Variants in MAP3K7 observed in about 807,000 individuals in gnomAD.
MAP3K7 encodes the protein mitogen-activated protein kinase kinase kinase 7.
MAP3K7 carries 21 observed loss-of-function variants against 84.8 expected under a neutral mutation model. The ratio of observed to expected loss-of-function variants is 0.25; its 90% CI spans 0.18 to 0.36. The LOEUF is 0.36. Ranked by LOEUF, MAP3K7 falls within the 10% of genes least tolerant of loss-of-function variation. The pLI, the probability that MAP3K7 is intolerant of heterozygous loss-of-function variation, is 1.00. For missense variants in MAP3K7, 503 were observed against 747.7 expected, an observed-to-expected ratio of 0.67 and a Z score of 3.82; for synonymous variants, 241 against 247.7, an observed-to-expected ratio of 0.97 and a Z score of 0.25.
At chr6:90,560,286 C>T in intron 4 of MAP3K7, 72 bp from the exon 5 acceptor site, 2 of 1,487,886 alleles carry the variant, frequency 1.3e-6, no homozygotes, top group Non-Finnish European at 1.9e-6. Flanking sequence ...AATGCAAGCA[C>T]TATCAGAACA....
chr6:90,571,399 T>C (rs916139760), intron 2 of MAP3K7, among the ~76,000 whole-genome samples: 4 of 152,146 alleles, frequency 2.6e-5, no homozygotes, highest in African/African-American at 9.6e-5. Context: ...ACCATTTCTT[T>C]TCTATTTTAA....
At chr6:90,527,868 T>C (rs1221191093) in intron 13 of MAP3K7, among the ~76,000 whole-genome samples, 1 of 26,544 alleles carries the variant, frequency 3.8e-5, no homozygotes, top group African/African-American at 2.8e-4. Context: ...CATAAGGACT[T>C]TTTTTTTTTT....
intron 1 of MAP3K7, among the ~76,000 whole-genome samples, chr6:90,585,590 T>C (rs1777418501): frequency 1.3e-5 from 2 of 152,232 alleles, no homozygotes; most frequent in Admixed American, 1.3e-4. Flanking sequence ...TTCTAAAGTG[T>C]CTTTAAAAAA....
chr6:90,579,733 T>C (rs762259117), intron 1 of MAP3K7, among the ~76,000 whole-genome samples: 1 of 152,244 alleles, frequency 6.6e-6, no homozygotes, highest in Non-Finnish European at 1.5e-5. Flanking sequence ...AAAGTACTTA[T>C]TGCAACTTGA....
intron 13 of MAP3K7, among the ~76,000 whole-genome samples, chr6:90,533,906 G>C (rs1209958778): frequency 6.6e-6 from 1 of 152,130 alleles, no homozygotes; most frequent in African/African-American, 2.4e-5. Flanking sequence ...TCTATTGAGT[G>C]TTTAAAAAGC....
chr6:90,547,446 G>A (rs1262909874), intron 10 of MAP3K7, 59 bp from the exon 11 acceptor site: 2 of 1,578,302 alleles, frequency 1.3e-6, no homozygotes, highest in South Asian at 1.1e-5. Flanking sequence ...GCAATCTTAG[G>A]CAACCTAAAA....
intron 13 of MAP3K7, among the ~76,000 whole-genome samples, chr6:90,524,768 A>C (rs1191488557): frequency 6.6e-6 from 1 of 152,206 alleles, no homozygotes. Flanking sequence ...TGACAGAAAC[A>C]GTGAATTTAT....
intron 1 of MAP3K7, among the ~76,000 whole-genome samples, chr6:90,575,112 T>C (rs1352954041): frequency 6.6e-6 from 1 of 152,196 alleles, no homozygotes; most frequent in Non-Finnish European, 1.5e-5. Flanking sequence ...ATTAAGTTTG[T>C]GTGTATCAAA....
At chr6:90,550,165 G>C (rs1478293870) in intron 9 of MAP3K7, among the ~76,000 whole-genome samples, 2 of 152,084 alleles carry the variant, frequency 1.3e-5, no homozygotes, top group African/African-American at 4.8e-5. Context: ...ACTTGATCTA[G>C]TAGTATGCAT....
Position 90,514,668 on chromosome 6 carries a change from T to G in MAP3K7, c.*1833A>C, listed in dbSNP as rs1268877769. 6.6e-6 allele frequency: 1 copy of G among 152,008 alleles called. No homozygotes were observed. Among genetic ancestry groups the G allele is most frequent in the African/African-American group, 2.4e-5 (1 of 41,430 alleles). The allele number at this position is 152,008 out of a possible 1,614,324, so 9.4% of individuals were successfully genotyped here. A position where few individuals can be genotyped will look rare whatever the true frequency, so the allele number is the denominator to read the frequency against. ...TTAGCATTCACGCTTGGATATCTCG[T>G]GCTGAGATAAAAGGCCTCTTTAAAG... is the stretch of plus-strand genomic sequence containing the variant. On this transcript the variant is annotated 3_prime_UTR_variant, in exon 17 of 17. Transcript: ENST00000369329.
At chr6:90,543,364 A>G (rs1258658652) in intron 12 of MAP3K7, among the ~76,000 whole-genome samples, 1 of 152,084 alleles carries the variant, frequency 6.6e-6, no homozygotes, top group Admixed American at 6.6e-5. Flanking sequence ...GCACCTAAGA[A>G]TAGTATAATT....
intron 13 of MAP3K7, among the ~76,000 whole-genome samples, chr6:90,534,247 T>C (rs555430319): frequency 6.6e-6 from 1 of 152,326 alleles, no homozygotes; most frequent in Admixed American, 6.5e-5. Context: ...CTTTTCTTCC[T>C]CAAATGAATA....
chr6:90,535,898 G>A (rs558654736), intron 13 of MAP3K7, among the ~76,000 whole-genome samples: 202 of 152,258 alleles, frequency 1.3e-3, no homozygotes, highest in African/African-American at 4.6e-3. Flanking sequence ...GTTAAAAGAC[G>A]TTAGAGTTCT....
At chr6:90,578,626 T>C (rs763219920) in intron 1 of MAP3K7, among the ~76,000 whole-genome samples, 3 of 152,074 alleles carry the variant, frequency 2.0e-5, no homozygotes, top group Non-Finnish European at 4.4e-5. Flanking sequence ...CATATATCCA[T>C]AAGAGTAGAA....
chr6:90,556,460 G>C, intron 6 of MAP3K7, 40 bp downstream of exon 6: 1 of 1,599,550 alleles, frequency 6.3e-7, no homozygotes, highest in Non-Finnish European at 8.5e-7. Context: ...CACAAGGAGT[G>C]AGGGAGATTA....
At chr6:90,569,116 C>T (rs895075817) in intron 2 of MAP3K7, among the ~76,000 whole-genome samples, 6 of 152,234 alleles carry the variant, frequency 3.9e-5, no homozygotes, top group South Asian at 2.1e-4. Context: ...ATCACAACTC[C>T]GCAAGGTAGG....
intron 3 of MAP3K7, among the ~76,000 whole-genome samples, chr6:90,563,965 A>G (rs1039610066): frequency 2.0e-5 from 3 of 152,200 alleles, no homozygotes; most frequent in Non-Finnish European, 4.4e-5. Flanking sequence ...ATCCAGCCAA[A>G]CTAAGCTTCA....
intron 2 of MAP3K7, among the ~76,000 whole-genome samples, chr6:90,569,820 TCTTG>T (rs1404954795): frequency 2.0e-5 from 3 of 152,102 alleles, no homozygotes; most frequent in Admixed American, 6.6e-5. Context: ...GCAAACTGCT[TCTTG>T]CTCATTCTTT....
chr6:90,587,061 G>A lies in MAP3K7; in HGVS notation c.-178C>T. 1 of 680,490 alleles carries A rather than the reference G, an allele frequency of 1.5e-6. No homozygotes were observed. The highest frequency in any genetic ancestry group is 2.7e-5 in the South Asian group (1 of 37,354). 42.2% of individuals were successfully genotyped at this position (680,490 alleles called of 1,614,324 possible). A position where few individuals can be genotyped will look rare whatever the true frequency, so the allele number is the denominator to read the frequency against. On this transcript the variant is annotated 5_prime_UTR_variant, in exon 1 of 17. Transcript: ENST00000369329. The stretch of plus-strand genomic sequence containing the variant: ...AGCCGTGTCCGGCTCTGGCTCCGCT[G>A]CGTTTTCCGCCGACGGGCCCCGCCC...
Sources: gnomAD v4.1 joint callset for allele counts (sites outside exome capture counted in the v4.1 genomes callset) on GRCh38, gnomAD v4.1.1 for gene constraint, MANE v1.5 for transcripts, NCBI Gene and HGNC (gene_info 2026-07-23, HGNC 2026-07-21) for gene names.